HIKESHI: variants seen among roughly 807,000 people sequenced by gnomAD.
HIKESHI encodes the protein protein Hikeshi.
A neutral mutation model predicts 25.7 loss-of-function variants in HIKESHI; 13 were observed. That is an observed-to-expected ratio of 0.51 (90% CI 0.33 to 0.80). The LOEUF (loss-of-function observed/expected upper bound fraction) is 0.80, where lower values mean the gene tolerates loss of function less well. Ranked by LOEUF, HIKESHI falls within the 30% of genes least tolerant of loss-of-function variation. The pLI is 0.02. For missense variants in HIKESHI, 174 were observed against 229.5 expected, an observed-to-expected ratio of 0.76 and a Z score of 1.56; for synonymous variants, 76 against 78.7, an observed-to-expected ratio of 0.97 and a Z score of 0.18.
Position 86,332,841 on chromosome 11 carries a change from G to A in HIKESHI, c.269-4538G>A, listed in dbSNP as rs116035204. On this transcript the variant is annotated intron_variant, in intron 2 of 4. Transcript: ENST00000278483. Reference sequence around the variant, plus strand: ...CCCACGTCATACAAAATAGGTTGTGGGACCGATTTGGCCTGTGGGCCTTGG... The same window carrying A: ...CCCACGTCATACAAAATAGGTTGTGAGACCGATTTGGCCTGTGGGCCTTGG... Among the ~76,000 whole-genome samples the A allele has an allele frequency of 1.8e-3, 275 of 152,278 alleles. 1 individual carries two copies. Among genetic ancestry groups the A allele is most frequent in the African/African-American group, 6.5e-3 (270 of 41,552 alleles).
At chr11:86,321,327 G>T (rs904965752) in intron 2 of HIKESHI, among the ~76,000 whole-genome samples, 2 of 152,120 alleles carry the variant, frequency 1.3e-5, no homozygotes, top group African/African-American at 4.8e-5. Flanking sequence ...CTGTTTGCCT[G>T]CTGATGGACA....
At chr11:86,323,454 T>C (rs962435726) in intron 2 of HIKESHI, among the ~76,000 whole-genome samples, 62 of 152,190 alleles carry the variant, frequency 4.1e-4, no homozygotes, top group African/African-American at 1.5e-3. Context: ...GTACCCAGAG[T>C]ACATTGCATT....
chr11:86,303,318 T>C (rs1946542248), intron 1 of HIKESHI: 1 of 740,952 alleles, frequency 1.3e-6, no homozygotes, highest in Non-Finnish European at 1.6e-6. Context: ...TTTTTTCCCA[T>C]CAAGTTTTGA....
At chr11:86,316,713 T>C (rs1439100481) in intron 2 of HIKESHI, among the ~76,000 whole-genome samples, 2 of 148,724 alleles carry the variant, frequency 1.3e-5, no homozygotes, top group African/African-American at 5.0e-5. Context: ...TTTTTTTATT[T>C]AAAGGCAGCA....
In HIKESHI at chr11:86,331,398, A is replaced by T. The variant is rs1947421013; in HGVS notation, c.269-5981A>T. 3.9e-5 allele frequency among the ~76,000 whole-genome samples: 6 copies of T among 152,298 alleles called. No homozygotes were observed. The South Asian group carries it at 1.2e-3, about 32-fold the overall frequency. ...CAGCTACTCAGGAATATGAGGCAGG[A>T]GTATCACTTGAACCTGGGAGGTAGG... On this transcript the variant is annotated intron_variant, in intron 2 of 4. Coordinates refer to ENST00000278483, the MANE Select transcript of HIKESHI (RefSeq NM_016401.4).
At chr11:86,308,559 T>TTTTATGTATTTATTTATTTATTTA (rs1555183543) in intron 2 of HIKESHI, among the ~76,000 whole-genome samples, 1 of 142,534 alleles carries the variant, frequency 7.0e-6, no homozygotes, top group East Asian at 2.0e-4. Context: ...CCATAATTCT[T>TTTTATGTATTTATTTATTTATTTA]TTTATTTATT....
intron 2 of HIKESHI, among the ~76,000 whole-genome samples, chr11:86,328,728 C>T (rs975305962): frequency 2.0e-5 from 3 of 152,024 alleles, no homozygotes; most frequent in African/African-American, 7.3e-5. Flanking sequence ...AGGCATGAGC[C>T]ACCATGCCTG....
intron 2 of HIKESHI, among the ~76,000 whole-genome samples, chr11:86,328,427 G>GTTTT (rs1323519457): frequency 2.9e-5 from 4 of 137,038 alleles, no homozygotes; most frequent in African/African-American, 8.3e-5. Context: ...CGCAGCTAAT[G>GTTTT]TTTTTTGTTT....
At chr11:86,322,483 T>C (rs538759815) in intron 2 of HIKESHI, among the ~76,000 whole-genome samples, 3 of 152,130 alleles carry the variant, frequency 2.0e-5, no homozygotes, top group Non-Finnish European at 4.4e-5. Flanking sequence ...ATATATATTC[T>C]TGATACAAGT....
At chr11:86,335,764 T>C (rs1385943898) in intron 2 of HIKESHI, among the ~76,000 whole-genome samples, 3 of 152,174 alleles carry the variant, frequency 2.0e-5, no homozygotes, top group Non-Finnish European at 4.4e-5. Context: ...GATAAGTCAT[T>C]AAATGAGGAA....
intron 2 of HIKESHI, among the ~76,000 whole-genome samples, chr11:86,312,569 A>G (rs1194810759): frequency 6.6e-6 from 1 of 152,120 alleles, no homozygotes; most frequent in Admixed American, 6.5e-5. Flanking sequence ...TTTAAGGTTA[A>G]TATTGCTGTG....
intron 3 of HIKESHI, among the ~76,000 whole-genome samples, chr11:86,339,212 A>T (rs1459384439): frequency 6.6e-6 from 1 of 151,652 alleles, no homozygotes; most frequent in Non-Finnish European, 1.5e-5. Context: ...GGCCCAGCTA[A>T]TTTTTTTTGT....
intron 2 of HIKESHI, among the ~76,000 whole-genome samples, chr11:86,319,944 AT>A (rs956734742): frequency 7.2e-5 from 11 of 151,934 alleles, no homozygotes; most frequent in African/African-American, 2.7e-4. Context: ...TAATTTTGTC[AT>A]TTTTTTTAAT....
Position 86,302,386 on chromosome 11 carries a change from T to C in HIKESHI, c.-63T>C. On this transcript the variant is annotated 5_prime_UTR_variant, in exon 1 of 5. Coordinates refer to ENST00000278483, the MANE Select transcript of HIKESHI (RefSeq NM_016401.4). ...AGGTTCTTAGTCTCGACTAGGGCAGTAGCCCCAGGACTCCTAGTCGCCGGC... is the reference window on the plus strand; with the variant it reads ...AGGTTCTTAGTCTCGACTAGGGCAGCAGCCCCAGGACTCCTAGTCGCCGGC... The C allele has an allele frequency of 6.5e-7, 1 of 1,547,250 alleles. No individual in the cohort carries two copies. Among genetic ancestry groups the C allele is most frequent in the Non-Finnish European group, 8.7e-7 (1 of 1,143,950 alleles).
At chr11:86,308,721 C>T (rs757681762) in intron 2 of HIKESHI, among the ~76,000 whole-genome samples, 1 of 151,974 alleles carries the variant, frequency 6.6e-6, no homozygotes, top group East Asian at 1.9e-4. Context: ...CCTCCCCACT[C>T]CCCACACCCC....
intron 3 of HIKESHI, among the ~76,000 whole-genome samples, chr11:86,341,889 A>G (rs1366243181): frequency 6.6e-6 from 1 of 152,116 alleles, no homozygotes; most frequent in Non-Finnish European, 1.5e-5. Flanking sequence ...ATTCTGTATA[A>G]CTTGCTGTTG....
At chr11:86,338,519 G>A (rs1425930907) in intron 3 of HIKESHI, among the ~76,000 whole-genome samples, 1 of 152,142 alleles carries the variant, frequency 6.6e-6, no homozygotes, top group Non-Finnish European at 1.5e-5. Flanking sequence ...TAGAAAGGAC[G>A]ATCATCAGCT....
chr11:86,315,760 G>A (rs1946960888), intron 2 of HIKESHI, among the ~76,000 whole-genome samples: 1 of 152,088 alleles, frequency 6.6e-6, no homozygotes, highest in Non-Finnish European at 1.5e-5. Context: ...GTGTAGAAAA[G>A]GATGCAAGAC....
intron 2 of HIKESHI, among the ~76,000 whole-genome samples, chr11:86,326,327 A>G (rs565277415): frequency 2.0e-5 from 3 of 152,132 alleles, no homozygotes; most frequent in Non-Finnish European, 4.4e-5. Context: ...TAAAAAATAA[A>G]ATAAAAAGTG....
Sources: allele counts gnomAD v4.1 joint callset (sites outside exome capture counted in the v4.1 genomes callset), GRCh38; gene constraint gnomAD v4.1.1; transcripts MANE v1.5; gene names NCBI Gene and HGNC (gene_info 2026-07-23, HGNC 2026-07-21).